The following AGAP1 variants were observed in gnomAD, a reference collection of about 807,000 sequenced individuals.
AGAP1 encodes ArfGAP with GTPase domain, ankyrin repeat and PH domain 1, also known as arf-GAP with GTPase, ANK repeat and PH domain-containing protein 1.
In AGAP1, 29 loss-of-function variants were observed where a neutral mutation model predicts 105.3. The observed-to-expected ratio is 0.28, with a 90% CI of 0.21 to 0.38. The LOEUF (loss-of-function observed/expected upper bound fraction) is 0.38, where lower values mean the gene tolerates loss of function less well. AGAP1 is among the 10% of genes least tolerant of loss of function. The pLI is 1.00. For synonymous variants in AGAP1, 509 were observed against 485.9 expected, an observed-to-expected ratio of 1.05 and a Z score of -0.63; for missense variants, 998 against 1,165.1, an observed-to-expected ratio of 0.86 and a Z score of 2.09.
chr2:235,862,870 CTGTT>C (rs2048989080), intron 9 of AGAP1, among the ~76,000 whole-genome samples: 1 of 152,178 alleles, frequency 6.6e-6, no homozygotes, highest in South Asian at 2.1e-4. Flanking sequence ...TGCATTGAGA[CTGTT>C]TGGGTTGCTT....
chr2:235,699,655 A>G (rs187401590), intron 1 of AGAP1, among the ~76,000 whole-genome samples: 26 of 152,294 alleles, frequency 1.7e-4, no homozygotes, highest in African/African-American at 5.3e-4. Flanking sequence ...CAGAGATGCA[A>G]ACTCAGAAGC....
At chr2:235,759,389 T>A (rs1178072863) in intron 6 of AGAP1, among the ~76,000 whole-genome samples, 4 of 150,376 alleles carry the variant, frequency 2.7e-5, no homozygotes, top group South Asian at 4.3e-4. Context: ...CAGGATGGTC[T>A]TGATCTCCTG....
At position 235,799,303 on chromosome 2, in the gene AGAP1, C is replaced by T. The variant is rs1267122751; in HGVS notation, c.802-64C>T. On this transcript the variant is annotated intron_variant, in intron 7 of 17. Coordinates refer to ENST00000304032, the MANE Select transcript of AGAP1 (RefSeq NM_001037131.3). This position sits in a 1 kb window ranked among gnomAD's most constrained non-coding sequence, Gnocchi z 5.0. ...GCTCACTTGTTGGTTATGACCTTGC[C>T]TAAGTGGAGGTCTTGGGTTCCTGAG... 1 of 1,570,710 alleles carries T rather than the reference C, an allele frequency of 6.4e-7. No homozygotes were observed.
intron 1 of AGAP1, among the ~76,000 whole-genome samples, chr2:235,613,074 A>G (rs1946192076): frequency 6.9e-6 from 1 of 145,794 alleles, no homozygotes; most frequent in African/African-American, 2.6e-5. Context: ...CCCAGGCTGG[A>G]TAGAGTGCAG....
rs531582361 is a variant in AGAP1 at position 235,964,938 on chromosome 2, C to T, written c.1484-3524C>T. On this transcript the variant is annotated intron_variant, in intron 12 of 17. Transcript: ENST00000304032. The surrounding 1 kb of genome is among the most constrained non-coding windows in gnomAD (Gnocchi z 4.6). ...CGGCTTTGTGAAAACAGGCTGAGCT[C>T]GAGGTCCCAGGCTGCTCAAGGCAAG... is the stretch of plus-strand genomic sequence containing the variant. 4.0e-4 allele frequency among the ~76,000 whole-genome samples: 61 copies of T among 152,230 alleles called. No homozygotes were observed. The highest frequency in any genetic ancestry group is 1.3e-3 in the African/African-American group (54 of 41,534).
chr2:235,543,693 G>C (rs1574813525), intron 1 of AGAP1, among the ~76,000 whole-genome samples: 1 of 152,166 alleles, frequency 6.6e-6, no homozygotes, highest in African/African-American at 2.4e-5. Flanking sequence ...TGTGTTTCCT[G>C]GAGCCCTTCT....
intron 6 of AGAP1, among the ~76,000 whole-genome samples, chr2:235,776,073 G>C (rs6705534): frequency 2.6e-5 from 4 of 152,160 alleles, no homozygotes; most frequent in Admixed American, 1.3e-4. Context: ...GTTTGGTTTT[G>C]AATATATATT....
chr2:235,878,834 C>T (rs1306423469), intron 9 of AGAP1, among the ~76,000 whole-genome samples: 6 of 152,158 alleles, frequency 3.9e-5, no homozygotes, highest in Non-Finnish European at 5.9e-5. Flanking sequence ...AGATAAAATG[C>T]GAGTTGTCAT....
Position 236,120,386 on chromosome 2 carries a change from G to T in AGAP1, c.2309G>T (p.Arg770Leu). 2 of 1,611,462 alleles carry T rather than the reference G, an allele frequency of 1.2e-6. No homozygotes were observed. The highest frequency in any genetic ancestry group is 1.7e-6 in the Non-Finnish European group (2 of 1,179,772). Residue 770 changes from arginine (R) to leucine (L), a missense_variant, in exon 17 of 18, where the codon CGC (arginine) becomes CTC (leucine). Arg to Leu is a moderately radical substitution (Grantham distance 102). This residue lies in a region of AGAP1 where 235 missense variants were observed against 270.7 expected (regional missense o/e 0.87). Transcript: ENST00000304032. The surrounding 1 kb of genome is among the most constrained non-coding windows in gnomAD (Gnocchi z 6.0). ...GAGACCTGCGGGGAGGGAGACGGCC[G>T]CACGGCGCTGCATCTGGCCTGCCGC... Reference protein sequence around the residue: ...VNETCGEGDGRTALHLACRKG... With the variant: ...VNETCGEGDGLTALHLACRKG...
At position 235,789,353 on chromosome 2, in the gene AGAP1, A is replaced by G. The variant is rs1956838324; in HGVS notation, c.674-8406A>G. On this transcript the variant is annotated intron_variant, in intron 6 of 17. Coordinates refer to ENST00000304032, the MANE Select transcript of AGAP1 (RefSeq NM_001037131.3). The surrounding 1 kb of genome is among the most constrained non-coding windows in gnomAD (Gnocchi z 4.2). ...TGTCCTGAAGGTAACTGTTTATTAC[A>G]GTCGGCATTTAAATCCCCCGATTAA... Among the ~76,000 whole-genome samples, 1 of 152,252 alleles carries G rather than the reference A, an allele frequency of 6.6e-6. No individual in the cohort carries two copies. The highest frequency in any genetic ancestry group is 2.4e-5 in the African/African-American group (1 of 41,466).
chr2:235,745,974 A>G (rs1952897413), intron 5 of AGAP1, among the ~76,000 whole-genome samples: 1 of 152,212 alleles, frequency 6.6e-6, no homozygotes, highest in African/African-American at 2.4e-5. Context: ...AAAAATAGAA[A>G]AATTAGCCAG....
At chr2:235,548,068 C>T (rs143512791) in intron 1 of AGAP1, among the ~76,000 whole-genome samples, 2 of 152,346 alleles carry the variant, frequency 1.3e-5, no homozygotes, top group African/African-American at 2.4e-5. Flanking sequence ...GCTGTTTCTG[C>T]CCCAGGGTCG....
In AGAP1 at chr2:235,730,464, TTTG is replaced by T. The variant is rs893080140; in HGVS notation, c.311-10496_311-10494del. On this transcript the variant is annotated intron_variant, in intron 3 of 17. Transcript: ENST00000304032. ...ACTTTCTCCAGTTTTGCAATGCTCT[TTTG>T]TTTACCTTTTAAAAAAAAAAAAAAA... is the stretch of plus-strand genomic sequence containing the variant. Among the ~76,000 whole-genome samples the T allele has an allele frequency of 1.4e-4, 19 of 133,726 alleles. No homozygotes were observed. In the Admixed American group the frequency reaches 1.6e-3, roughly 11 times the overall value. The allele number at this position is 133,726 out of a possible 152,430, so 87.7% of individuals were successfully genotyped here.
intron 16 of AGAP1, among the ~76,000 whole-genome samples, chr2:236,102,956 C>T (rs972799710): frequency 6.6e-6 from 1 of 151,848 alleles, no homozygotes; most frequent in Non-Finnish European, 1.5e-5. Flanking sequence ...ACCGCAAGCC[C>T]CCGCCCCACC....
At position 236,049,038 on chromosome 2, in the gene AGAP1, G is replaced by T. The variant is rs569743395; in HGVS notation, c.1892-21G>T. On this transcript the variant is annotated intron_variant, in intron 15 of 17. Transcript: ENST00000304032. ...GCATGATGGTCTGATTGCGTTTAGC[G>T]TTCTGTTCCTCTTCCCGTAGATCCC... is the stretch of plus-strand genomic sequence containing the variant. 7 of 1,606,422 alleles carry T rather than the reference G, an allele frequency of 4.4e-6. No homozygotes were observed. In the Admixed American group the frequency reaches 8.4e-5, roughly 19 times the overall value.
In AGAP1 at chr2:235,566,038, A is replaced by G. The variant is rs1395256511; in HGVS notation, c.163+71189A>G. ...TGTACACTGATTGCCAAGATTCTGT[A>G]AACAATATTTCCCTCTGCTTGTGTC... On this transcript the variant is annotated intron_variant, in intron 1 of 17. Coordinates refer to ENST00000304032, the MANE Select transcript of AGAP1 (RefSeq NM_001037131.3). The surrounding 1 kb of genome is among the most constrained non-coding windows in gnomAD (Gnocchi z 5.2). Among the ~76,000 whole-genome samples the G allele has an allele frequency of 6.6e-6, 1 of 152,170 alleles. No individual in the cohort carries two copies. The highest frequency in any genetic ancestry group is 1.5e-5 in the Non-Finnish European group (1 of 68,028).
rs1043112793 is a variant in AGAP1, at chr2:235,631,363, C to T, written c.164-77816C>T. 2.6e-5 allele frequency among the ~76,000 whole-genome samples: 4 copies of T among 152,156 alleles called. No individual in the cohort carries two copies. Among genetic ancestry groups the T allele is most frequent in the Non-Finnish European group, 5.9e-5 (4 of 68,030 alleles). On this transcript the variant is annotated intron_variant, in intron 1 of 17. Coordinates refer to ENST00000304032, the MANE Select transcript of AGAP1 (RefSeq NM_001037131.3). This position sits in a 1 kb window ranked among gnomAD's most constrained non-coding sequence, Gnocchi z 5.4. ...GGACGATGGATTAGCCAACCATGAC[C>T]GGCCAGGCTGTGCGAGCTAGCCAAG...
intron 16 of AGAP1, among the ~76,000 whole-genome samples, chr2:236,085,216 A>AG: frequency 1.1e-5 from 1 of 87,432 alleles, no homozygotes; most frequent in African/African-American, 5.6e-5. Context: ...ACTCCGTCTC[A>AG]AAAAAAAAAA....
intron 6 of AGAP1, chr2:235,783,356 G>C: frequency 2.1e-6 from 1 of 471,300 alleles, no homozygotes; most frequent in Non-Finnish European, 4.4e-6. Flanking sequence ...TGTTCTAAAA[G>C]CTCTTTGTTC....
Sources: gnomAD v4.1 joint callset for allele counts (sites outside exome capture counted in the v4.1 genomes callset) on GRCh38, gnomAD v4.1.1 for gene constraint, gnomAD v4.1.1 regional missense constraint, Gnocchi (gnomAD v3.1) non-coding constraint, MANE v1.5 for transcripts, NCBI Gene and HGNC (gene_info 2026-07-23, HGNC 2026-07-21) for gene names.